Variants in NRG3 observed in about 807,000 individuals in gnomAD.
NRG3 encodes pro-neuregulin-3, membrane-bound isoform.
Under a neutral mutation model 66.9 loss-of-function variants are expected in NRG3, and 31 were observed. The ratio of observed to expected loss-of-function variants is 0.46; its 90% CI spans 0.35 to 0.63. NRG3 has a LOEUF of 0.63. NRG3 is among the 20% of genes least tolerant of loss of function. The probability of loss-of-function intolerance (pLI) is 0.00; values close to 1 mark genes in which losing one functional copy is unlikely to be tolerated. For synonymous variants in NRG3, 393 were observed against 359.4 expected, an observed-to-expected ratio of 1.09 and a Z score of -1.06; for missense variants, 910 against 878.9, an observed-to-expected ratio of 1.04 and a Z score of -0.45.
At chr10:82,791,397 C>T (rs1591536897) in intron 3 of NRG3, among the ~76,000 whole-genome samples, 1 of 151,428 alleles carries the variant, frequency 6.6e-6, no homozygotes, top group East Asian at 1.9e-4. Flanking sequence ...CATCTCTTTT[C>T]CATTAACTTA....
intron 1 of NRG3, among the ~76,000 whole-genome samples, chr10:82,090,425 GTTGA>G (rs1212228134): frequency 1.3e-5 from 2 of 152,160 alleles, no homozygotes; most frequent in Admixed American, 6.5e-5. Flanking sequence ...ATGAACATAT[GTTGA>G]TTAAGAATAA....
intron 1 of NRG3, among the ~76,000 whole-genome samples, chr10:81,907,071 C>G (rs553257906): frequency 6.6e-6 from 1 of 152,168 alleles, no homozygotes; most frequent in Admixed American, 6.5e-5. Context: ...GTTAGACTTC[C>G]AGTAATATAT....
intron 1 of NRG3, among the ~76,000 whole-genome samples, chr10:81,892,120 T>A (rs957389024): frequency 6.6e-6 from 1 of 152,188 alleles, no homozygotes; most frequent in Admixed American, 6.6e-5. Context: ...TGAACTTTGC[T>A]TGTTTACAAC....
intron 1 of NRG3, among the ~76,000 whole-genome samples, chr10:82,080,165 C>T (rs1429887360): frequency 6.6e-6 from 1 of 152,142 alleles, no homozygotes; most frequent in Non-Finnish European, 1.5e-5. Flanking sequence ...CATCCTCATA[C>T]ATCCTGCTCA....
Position 81,991,613 on chromosome 10 carries a change from A to G in NRG3, c.823+115450A>G, listed in dbSNP as rs187558062. Among the ~76,000 whole-genome samples, 6 of 152,318 alleles carry G rather than the reference A, an allele frequency of 3.9e-5. No individual in the cohort carries two copies. The East Asian group carries it at 1.2e-3, about 29-fold the overall frequency. ...AAATGGCAAGTTAGAGTTTTCTAAAATATAAAAGCCTATTTACCAGTTCTG... is the reference window on the plus strand; with the variant it reads ...AAATGGCAAGTTAGAGTTTTCTAAAGTATAAAAGCCTATTTACCAGTTCTG... On this transcript the variant is annotated intron_variant, in intron 1 of 8. Coordinates refer to ENST00000372141, the MANE Select transcript of NRG3 (RefSeq NM_001010848.4).
At chr10:82,576,052 T>C (rs1385922178) in intron 2 of NRG3, among the ~76,000 whole-genome samples, 1 of 151,712 alleles carries the variant, frequency 6.6e-6, no homozygotes, top group Non-Finnish European at 1.5e-5. Context: ...CAACCTATAT[T>C]GTATCCCTTC....
intron 2 of NRG3, among the ~76,000 whole-genome samples, chr10:82,426,624 T>C (rs1456448387): frequency 6.9e-6 from 1 of 145,762 alleles, no homozygotes; most frequent in Non-Finnish European, 1.5e-5. Flanking sequence ...TTATTATTAT[T>C]ATTATTATTA....
At chr10:82,635,524 T>C (rs2050133023) in intron 2 of NRG3, among the ~76,000 whole-genome samples, 1 of 152,116 alleles carries the variant, frequency 6.6e-6, no homozygotes, top group Admixed American at 6.6e-5. Flanking sequence ...ATTCATGGTC[T>C]TACTTTTGGA....
At chr10:81,919,850 G>A (rs964173913) in intron 1 of NRG3, among the ~76,000 whole-genome samples, 10 of 152,148 alleles carry the variant, frequency 6.6e-5, no homozygotes, top group Non-Finnish European at 1.3e-4. Flanking sequence ...CAGTGGCAAT[G>A]AGGGGTGAGT....
intron 1 of NRG3, among the ~76,000 whole-genome samples, chr10:82,142,213 G>A (rs1393622530): frequency 6.6e-6 from 1 of 152,218 alleles, no homozygotes; most frequent in Non-Finnish European, 1.5e-5. Context: ...CTGGAATGGA[G>A]CAGTTGCAAA....
At position 82,369,741 on chromosome 10, in the gene NRG3, G is replaced by A. The variant is rs780450558; in HGVS notation, c.953+10873G>A. Among the ~76,000 whole-genome samples the A allele has an allele frequency of 2.2e-5, 3 of 138,816 alleles. 1 individual carries two copies. Among genetic ancestry groups the A allele is most frequent in the African/African-American group, 6.6e-5 (2 of 30,080 alleles). The allele number at this position is 138,816 out of a possible 152,430, so 91.1% of individuals were successfully genotyped here. On this transcript the variant is annotated intron_variant, in intron 2 of 8. Coordinates refer to ENST00000372141, the MANE Select transcript of NRG3 (RefSeq NM_001010848.4). ...TGATTACACTCAAATTCATAGAAAA[G>A]CAAGACTATCATATACTATGTGGAT... is the stretch of plus-strand genomic sequence containing the variant.
intron 1 of NRG3, among the ~76,000 whole-genome samples, chr10:82,084,419 TC>T (rs1466666542): frequency 6.6e-6 from 1 of 152,100 alleles, no homozygotes; most frequent in Non-Finnish European, 1.5e-5. Flanking sequence ...AACAATATAA[TC>T]CTACTTTCAA....
At chr10:82,235,132 A>G (rs2076691572) in intron 1 of NRG3, among the ~76,000 whole-genome samples, 1 of 152,248 alleles carries the variant, frequency 6.6e-6, no homozygotes, top group Non-Finnish European at 1.5e-5. Context: ...TTGGCCAGCA[A>G]TGGCCTGAAG....
intron 4 of NRG3, among the ~76,000 whole-genome samples, chr10:82,868,166 A>G (rs1218369587): frequency 6.6e-6 from 1 of 152,202 alleles, no homozygotes; most frequent in Admixed American, 6.5e-5. Context: ...GAAATGGACC[A>G]GTCTCCATCC....
intron 2 of NRG3, among the ~76,000 whole-genome samples, chr10:82,390,560 A>C (rs756506444): frequency 6.6e-6 from 1 of 152,162 alleles, no homozygotes; most frequent in Non-Finnish European, 1.5e-5. Context: ...TCACACCTAC[A>C]TAATTATTAA....
intron 2 of NRG3, among the ~76,000 whole-genome samples, chr10:82,601,657 T>G (rs551520475): frequency 3.2e-4 from 48 of 151,922 alleles, no homozygotes; most frequent in African/African-American, 1.1e-3. Flanking sequence ...CATTTCATCT[T>G]TGTCCTTAAT....
intron 1 of NRG3, among the ~76,000 whole-genome samples, chr10:82,333,614 A>G (rs1045881300): frequency 2.0e-5 from 3 of 152,144 alleles, no homozygotes; most frequent in African/African-American, 7.2e-5. Flanking sequence ...TGCTTATATC[A>G]TTGATGGGAT....
chr10:82,296,341 T>C (rs2080059459), intron 1 of NRG3, among the ~76,000 whole-genome samples: 1 of 152,126 alleles, frequency 6.6e-6, no homozygotes, highest in Non-Finnish European at 1.5e-5. Context: ...CTTTTGTATC[T>C]GACAAACCAT....
intron 3 of NRG3, among the ~76,000 whole-genome samples, chr10:82,787,781 A>G (rs2060430198): frequency 6.6e-6 from 1 of 152,186 alleles, no homozygotes; most frequent in Non-Finnish European, 1.5e-5. Context: ...CTGAATGTCA[A>G]AAGTCAAATA....
Sources: allele counts gnomAD v4.1 joint callset (sites outside exome capture counted in the v4.1 genomes callset), GRCh38; gene constraint gnomAD v4.1.1; transcripts MANE v1.5; gene names NCBI Gene and HGNC (gene_info 2026-07-23, HGNC 2026-07-21).